The following TBC1D1 variants were observed in gnomAD, a reference collection of about 807,000 sequenced individuals.
TBC1D1 encodes the protein TBC1 domain family member 1.
A neutral mutation model predicts 125.6 loss-of-function variants in TBC1D1; 89 were observed. The ratio of observed to expected loss-of-function variants is 0.71; its 90% CI spans 0.60 to 0.85. The LOEUF (loss-of-function observed/expected upper bound fraction) is 0.85, where lower values mean the gene tolerates loss of function less well. TBC1D1 is among the 40% of genes least tolerant of loss of function. The probability of loss-of-function intolerance (pLI) is 0.00; values close to 1 mark genes in which losing one functional copy is unlikely to be tolerated. For missense variants in TBC1D1, 1,377 were observed against 1,469.2 expected, an observed-to-expected ratio of 0.94 and a Z score of 1.03; for synonymous variants, 565 against 564.1, an observed-to-expected ratio of 1.00 and a Z score of -0.02.
At chr4:38,071,018 T>C (rs556573747) in intron 12 of TBC1D1, among the ~76,000 whole-genome samples, 1 of 152,346 alleles carries the variant, frequency 6.6e-6, no homozygotes, top group African/African-American at 2.4e-5. Context: ...TGGGGATTTT[T>C]CCCCTTTTCT....
intron 5 of TBC1D1, 46 bp downstream of exon 5, chr4:38,020,741 G>A: frequency 6.5e-7 from 1 of 1,535,988 alleles, no homozygotes; most frequent in Non-Finnish European, 9.0e-7. Context: ...TCTTTACAAG[G>A]AATTTTAGCT....
At chr4:38,127,005 C>T (rs1312488042) in intron 18 of TBC1D1, among the ~76,000 whole-genome samples, 1 of 151,854 alleles carries the variant, frequency 6.6e-6, no homozygotes, top group Non-Finnish European at 1.5e-5. Flanking sequence ...CATTCATTCT[C>T]TTCTTACAGC....
intron 12 of TBC1D1, among the ~76,000 whole-genome samples, chr4:38,083,933 TC>T: frequency 1.4e-5 from 2 of 145,284 alleles, no homozygotes; most frequent in East Asian, 2.1e-4. Context: ...ATGAATGTTG[TC>T]TTTTTTTTTT....
rs118153919 is a variant in TBC1D1 at position 37,924,938 on chromosome 4, G to A, written c.417+22426G>A. 6.3e-4 allele frequency among the ~76,000 whole-genome samples: 96 copies of A among 152,274 alleles called. 1 individual carries two copies. The East Asian group carries it at 0.016, about 26-fold the overall frequency. On this transcript the variant is annotated intron_variant, in intron 2 of 19. Transcript: ENST00000261439. Reference sequence around the variant, plus strand: ...CAAGCATGTGCTATGTATTTTATGCGCATTATTTTATTTACTATTCACAAC... The same window carrying A: ...CAAGCATGTGCTATGTATTTTATGCACATTATTTTATTTACTATTCACAAC...
intron 14 of TBC1D1, 66 bp from the exon 17 acceptor site, chr4:38,102,933 T>G: frequency 6.9e-7 from 1 of 1,450,106 alleles, no homozygotes; most frequent in East Asian, 2.4e-5. Flanking sequence ...TGAAACACAA[T>G]TCATTTTTAT....
At chr4:38,038,914 C>G (rs1322086771) in intron 8 of TBC1D1, among the ~76,000 whole-genome samples, 1 of 150,596 alleles carries the variant, frequency 6.6e-6, no homozygotes, top group East Asian at 2.0e-4. Context: ...CCACTGCACT[C>G]CAGCCTGGGC....
intron 16 of TBC1D1, among the ~76,000 whole-genome samples, chr4:38,116,729 G>A (rs138454724): frequency 6.6e-6 from 1 of 152,346 alleles, no homozygotes; most frequent in East Asian, 1.9e-4. Context: ...CTTGCTGCCT[G>A]TCAGAGGGAA....
chr4:38,117,281 GGTT>G (rs747949233), intron 16 of TBC1D1, among the ~76,000 whole-genome samples: 8 of 152,056 alleles, frequency 5.3e-5, no homozygotes, highest in African/African-American at 1.4e-4. Flanking sequence ...ACCCTCTGTA[GGTT>G]GTTGTTTCTT....
chr4:38,066,693 C>A (rs113009791), intron 12 of TBC1D1, among the ~76,000 whole-genome samples: 3,295 of 152,180 alleles, frequency 0.022, 48 homozygotes, highest in Non-Finnish European at 0.034. Context: ...GCATGCCCCC[C>A]CTGGAGGGGA....
intron 2 of TBC1D1, among the ~76,000 whole-genome samples, chr4:37,967,570 A>G (rs1428728095): frequency 6.6e-6 from 1 of 152,026 alleles, no homozygotes; most frequent in Non-Finnish European, 1.5e-5. Context: ...AAACTAAACC[A>G]CCTTATAAAA....
chr4:37,996,629 C>T (rs1042804524), intron 2 of TBC1D1, among the ~76,000 whole-genome samples: 1 of 152,206 alleles, frequency 6.6e-6, no homozygotes, highest in Non-Finnish European at 1.5e-5. Flanking sequence ...GCTAGTCTGG[C>T]ATATTTTAAA....
At chr4:37,920,069 C>T (rs180709250) in intron 2 of TBC1D1, among the ~76,000 whole-genome samples, 1 of 152,164 alleles carries the variant, frequency 6.6e-6, no homozygotes, top group African/African-American at 2.4e-5. Context: ...GCCGAGATAA[C>T]GCCACTGCAC....
intron 11 of TBC1D1, 24 bp from the exon 12 acceptor site, chr4:38,051,875 G>A (rs947197891): frequency 2.6e-6 from 4 of 1,538,720 alleles, no homozygotes; most frequent in South Asian, 1.2e-5. Flanking sequence ...TAACCCCCCC[G>A]TGCTTTCTCT....
chr4:38,057,543 T>C (rs1323301998), intron 12 of TBC1D1, among the ~76,000 whole-genome samples: 1 of 152,222 alleles, frequency 6.6e-6, no homozygotes, highest in Non-Finnish European at 1.5e-5. Context: ...TAGGCACATA[T>C]TATTTCTTAT....
intron 8 of TBC1D1, among the ~76,000 whole-genome samples, chr4:38,040,566 C>A (rs542061576): frequency 6.6e-6 from 1 of 152,184 alleles, no homozygotes. Flanking sequence ...GGATTACAGG[C>A]GTGAGCCACT....
intron 15 of TBC1D1, among the ~76,000 whole-genome samples, chr4:38,112,771 A>G (rs1038725923): frequency 7.2e-5 from 11 of 152,242 alleles, no homozygotes; most frequent in Non-Finnish European, 1.5e-4. Context: ...CCCTGGCTCC[A>G]GGGACTATGG....
chr4:38,125,076 TA>T lies in TBC1D1; in HGVS notation c.3082del (p.Ser1028AlafsTer56). On this transcript the variant is annotated frameshift_variant, in exon 18 of 20. Coordinates refer to ENST00000261439, the MANE Select transcript of TBC1D1 (RefSeq NM_015173.4). LOFTEE classifies it high-confidence loss of function. The stretch of plus-strand genomic sequence containing the variant: ...AACCTAGAAACCATAGTTGACTTTA[TA>T]AAAAGCACGCTACCCAACCTTGGCT... 6.2e-7 allele frequency: 1 copy of T among 1,614,090 alleles called. No homozygotes were observed.
chr4:37,911,080 A>G (rs1051124309), intron 2 of TBC1D1, among the ~76,000 whole-genome samples: 5 of 149,862 alleles, frequency 3.3e-5, no homozygotes, highest in Non-Finnish European at 5.9e-5. Flanking sequence ...AAGTATTTCC[A>G]GAAGTAATAG....
intron 7 of TBC1D1, among the ~76,000 whole-genome samples, chr4:38,034,416 C>T (rs1448727472): frequency 1.3e-5 from 2 of 152,228 alleles, no homozygotes; most frequent in African/African-American, 4.8e-5. Context: ...ACAAACCCTT[C>T]TAATCATTAA....
Sources: gnomAD v4.1 joint callset for allele counts (sites outside exome capture counted in the v4.1 genomes callset) on GRCh38, gnomAD v4.1.1 for gene constraint, MANE v1.5 for transcripts, NCBI Gene and HGNC (gene_info 2026-07-23, HGNC 2026-07-21) for gene names.